Variants in DENND1A observed in about 807,000 individuals in gnomAD.
DENND1A encodes the protein DENN domain-containing protein 1A.
In DENND1A, 51 loss-of-function variants were observed where a neutral mutation model predicts 113.7. That is an observed-to-expected ratio of 0.45 (90% CI 0.36 to 0.57). The LOEUF (loss-of-function observed/expected upper bound fraction) is 0.57. DENND1A is among the 20% of genes least tolerant of loss of function. DENND1A has a pLI of 0.00. For missense variants in DENND1A, 1,258 were observed against 1,395.9 expected (o/e 0.90, Z 1.57); for synonymous variants, 565 against 570.8 (o/e 0.99, Z 0.14).
intron 2 of DENND1A, among the ~76,000 whole-genome samples, chr9:123,837,924 C>A (rs1841280877): frequency 6.6e-6 from 1 of 152,162 alleles, no homozygotes; most frequent in Non-Finnish European, 1.5e-5. Flanking sequence ...CCTATGAAAC[C>A]TCTATGATGG....
intron 1 of DENND1A, among the ~76,000 whole-genome samples, chr9:123,923,847 G>A (rs545591631): frequency 6.6e-6 from 1 of 152,094 alleles, no homozygotes; most frequent in Non-Finnish European, 1.5e-5. Flanking sequence ...ACACAAAGTG[G>A]TACAGCTGCT....
At chr9:123,829,753 C>T (rs540065703) in intron 2 of DENND1A, among the ~76,000 whole-genome samples, 3 of 152,214 alleles carry the variant, frequency 2.0e-5, no homozygotes, top group South Asian at 4.1e-4. Flanking sequence ...GAGAAAACTA[C>T]AAGCTCTTAT....
chr9:123,540,928 C>T (rs2056243016), intron 13 of DENND1A, among the ~76,000 whole-genome samples: 1 of 152,206 alleles, frequency 6.6e-6, no homozygotes, highest in Non-Finnish European at 1.5e-5. Flanking sequence ...TAGAGGCAGA[C>T]AGACCTGGCT....
At chr9:123,748,313 G>T (rs2069703522) in intron 5 of DENND1A, among the ~76,000 whole-genome samples, 1 of 152,116 alleles carries the variant, frequency 6.6e-6, no homozygotes, top group Admixed American at 6.5e-5. Context: ...TTTCTTTTCT[G>T]CAGTTTTCTA....
rs2059060040 is a variant in DENND1A, at chr9:123,584,296, G to A, written c.766-1026C>T. Among the ~76,000 whole-genome samples the A allele has an allele frequency of 1.3e-5, 2 of 152,262 alleles. 1 individual carries two copies. The highest frequency in any genetic ancestry group is 1.3e-4 in the Admixed American group (2 of 15,290). The stretch of plus-strand genomic sequence containing the variant: ...GGGCAACAGGCACACGATGGGACCT[G>A]TGGTCACTGCATATAAAGGATCAAT... On this transcript the variant is annotated intron_variant, in intron 11 of 23. Coordinates refer to ENST00000394215, the MANE Select transcript of DENND1A (RefSeq NM_001352964.2).
chr9:123,402,268 G>A (rs1282809984), intron 21 of DENND1A, among the ~76,000 whole-genome samples: 1 of 151,736 alleles, frequency 6.6e-6, no homozygotes, highest in Admixed American at 6.6e-5. Context: ...ACACACGCAC[G>A]CACACATATA....
intron 10 of DENND1A, among the ~76,000 whole-genome samples, chr9:123,629,290 T>A (rs1249663470): frequency 3.3e-5 from 5 of 152,214 alleles, no homozygotes; most frequent in Non-Finnish European, 7.3e-5. Flanking sequence ...GGCACGCAGT[T>A]AGTGCCTTTC....
At chr9:123,599,051 C>T (rs2059827728) in intron 11 of DENND1A, among the ~76,000 whole-genome samples, 1 of 152,148 alleles carries the variant, frequency 6.6e-6, no homozygotes, top group African/African-American at 2.4e-5. Context: ...TTCAGTGCCA[C>T]TGTTCATCAT....
chr9:123,389,232 C>T (rs2042719790), intron 21 of DENND1A, among the ~76,000 whole-genome samples: 11 of 152,250 alleles, frequency 7.2e-5, no homozygotes, highest in Admixed American at 7.2e-4. Context: ...CACATCAGAA[C>T]GCTCACTTCC....
intron 5 of DENND1A, among the ~76,000 whole-genome samples, chr9:123,680,160 A>G (rs981500492): frequency 6.6e-6 from 1 of 152,178 alleles, no homozygotes; most frequent in Non-Finnish European, 1.5e-5. Context: ...TGACCCAATC[A>G]GAAGACAGAG....
At chr9:123,901,770 T>A (rs1004598252) in intron 1 of DENND1A, among the ~76,000 whole-genome samples, 32 of 152,072 alleles carry the variant, frequency 2.1e-4, no homozygotes, top group African/African-American at 7.2e-4. Context: ...TGTGGGAGGC[T>A]GAGGCGGGTG....
intron 13 of DENND1A, among the ~76,000 whole-genome samples, chr9:123,497,740 T>C (rs559124236): frequency 6.6e-6 from 1 of 151,698 alleles, no homozygotes; most frequent in South Asian, 2.1e-4. Flanking sequence ...TATCCTCATC[T>C]ATCTTCTGTT....
chr9:123,491,438 C>T (rs1017254820), intron 13 of DENND1A, among the ~76,000 whole-genome samples: 1 of 152,232 alleles, frequency 6.6e-6, no homozygotes, highest in Non-Finnish European at 1.5e-5. Context: ...GCCAGCCTCA[C>T]AGGTAATTCC....
At chr9:123,916,987 C>A (rs1345612562) in intron 1 of DENND1A, among the ~76,000 whole-genome samples, 1 of 151,824 alleles carries the variant, frequency 6.6e-6, no homozygotes, top group East Asian at 1.9e-4. Flanking sequence ...GTCAGGAGAC[C>A]AGCCTGGCCA....
chr9:123,502,601 C>T (rs1292029727), intron 13 of DENND1A, among the ~76,000 whole-genome samples: 1 of 152,174 alleles, frequency 6.6e-6, no homozygotes, highest in Non-Finnish European at 1.5e-5. Context: ...TAGATATATG[C>T]TTTAAAAACA....
chr9:123,802,962 A>T (rs1010487648), intron 2 of DENND1A, among the ~76,000 whole-genome samples: 2 of 152,200 alleles, frequency 1.3e-5, no homozygotes, highest in Admixed American at 6.5e-5. Flanking sequence ...TCAGCCTCCC[A>T]AAGTGCTGGG....
chr9:123,605,972 C>T (rs2137564032), intron 11 of DENND1A, among the ~76,000 whole-genome samples: 1 of 152,328 alleles, frequency 6.6e-6, no homozygotes, highest in Non-Finnish European at 1.5e-5. Flanking sequence ...AAGCCTTTTG[C>T]TGAATTGCCA....
intron 2 of DENND1A, among the ~76,000 whole-genome samples, chr9:123,872,986 C>T (rs982809706): frequency 3.9e-5 from 6 of 152,228 alleles, no homozygotes; most frequent in African/African-American, 1.2e-4. Context: ...TACTGTACAG[C>T]GTAAGGTTTA....
intron 1 of DENND1A, among the ~76,000 whole-genome samples, chr9:123,901,104 G>A (rs1346518132): frequency 6.6e-6 from 1 of 152,228 alleles, no homozygotes; most frequent in East Asian, 1.9e-4. Context: ...CTGGAAGCAT[G>A]GAGAGCAGCT....
Sources: allele counts gnomAD v4.1 joint callset (sites outside exome capture counted in the v4.1 genomes callset), GRCh38; gene constraint gnomAD v4.1.1; transcripts MANE v1.5; gene names NCBI Gene and HGNC (gene_info 2026-07-23, HGNC 2026-07-21).